The following ATP10A variants were observed in gnomAD, a reference collection of about 807,000 sequenced individuals.
ATP10A encodes ATPase phospholipid transporting 10A (putative).
ATP10A carries 111 observed loss-of-function variants against 147.8 expected under a neutral mutation model. The observed-to-expected ratio is 0.75, with a 90% CI of 0.64 to 0.88. The LOEUF (loss-of-function observed/expected upper bound fraction) is 0.88. Among genes scored for constraint, ATP10A ranks in the 40% least tolerant of loss-of-function variants. ATP10A has a pLI of 0.00. For missense variants in ATP10A, 1,927 were observed against 1,959.0 expected (o/e 0.98, Z 0.31); for synonymous variants, 875 against 841.6 (o/e 1.04, Z -0.69).
intron 2 of ATP10A, among the ~76,000 whole-genome samples, chr15:25,771,539 C>T (rs1319913980): frequency 1.2e-4 from 18 of 152,124 alleles, no homozygotes. Flanking sequence ...GACAAGACTC[C>T]TCCCTCCACC....
intron 1 of ATP10A, among the ~76,000 whole-genome samples, chr15:25,822,704 G>A (rs1055423366): frequency 1.3e-5 from 2 of 152,108 alleles, no homozygotes; most frequent in Admixed American, 6.6e-5. Flanking sequence ...TACAGAACCT[G>A]CTGCTTAGAA....
At chr15:25,795,123 T>A (rs1358552546) in intron 1 of ATP10A, among the ~76,000 whole-genome samples, 1 of 152,180 alleles carries the variant, frequency 6.6e-6, no homozygotes, top group African/African-American at 2.4e-5. Context: ...GGGAAAATTG[T>A]GTAGGTTACA....
chr15:25,782,000 G>C (rs949380798), intron 1 of ATP10A, among the ~76,000 whole-genome samples: 1 of 152,314 alleles, frequency 6.6e-6, no homozygotes, highest in South Asian at 2.1e-4. Context: ...AACAGGTATA[G>C]CAAGCCAATG....
chr15:25,789,524 C>A (rs1412867343), intron 1 of ATP10A, among the ~76,000 whole-genome samples: 1 of 149,706 alleles, frequency 6.7e-6, no homozygotes, highest in African/African-American at 2.5e-5. Context: ...ATAAGAAAAC[C>A]CTTCTTGGAA....
intron 2 of ATP10A, among the ~76,000 whole-genome samples, chr15:25,749,009 G>A (rs573970720): frequency 7.1e-6 from 1 of 140,304 alleles, no homozygotes; most frequent in South Asian, 2.2e-4. Flanking sequence ...GTTGCAATGA[G>A]CCAAGATAGC....
intron 13 of ATP10A, among the ~76,000 whole-genome samples, chr15:25,700,783 G>A (rs898296135): frequency 6.6e-6 from 1 of 152,078 alleles, no homozygotes; most frequent in Non-Finnish European, 1.5e-5. Flanking sequence ...ATCTATGCAC[G>A]TGTTAAAATT....
chr15:25,723,934 G>T lies in ATP10A; in HGVS notation c.1067C>A (p.Thr356Lys). ...KSDGSSLSPV[T>K]AAVYSFLTMI... Reference sequence around the variant, plus strand: ...TGTTAAAAATGAGTAAACTGCAGCTGTGACTGGGGATAAGGAGCTTCCATC... The same window carrying T: ...TGTTAAAAATGAGTAAACTGCAGCTTTGACTGGGGATAAGGAGCTTCCATC... The change falls in exon 6 of 21, where the codon ACA becomes AAA. Residue 356 changes from threonine (T) to lysine (K), a missense_variant. By Grantham distance (78) the Thr-to-Lys change is moderately conservative (BLOSUM62 -1). Coordinates refer to ENST00000555815, the MANE Select transcript of ATP10A (RefSeq NM_024490.4). 2 of 1,610,412 alleles carry T rather than the reference G, an allele frequency of 1.2e-6. No individual in the cohort carries two copies. Among genetic ancestry groups the T allele is most frequent in the Non-Finnish European group, 1.7e-6 (2 of 1,178,780 alleles).
rs866006680 is a variant in ATP10A at position 25,798,927 on chromosome 15, G to A, written c.450-17704C>T. On this transcript the variant is annotated intron_variant, in intron 1 of 20. Coordinates refer to ENST00000555815, the MANE Select transcript of ATP10A (RefSeq NM_024490.4). ...CCGACTGGCTTGAGTGGTTTACTCTGTGTCCCCTATAGAAGAAACAAACTC... is the reference window on the plus strand; with the variant it reads ...CCGACTGGCTTGAGTGGTTTACTCTATGTCCCCTATAGAAGAAACAAACTC... 5.4e-4 allele frequency among the ~76,000 whole-genome samples: 82 copies of A among 151,794 alleles called. 1 individual carries two copies. Among genetic ancestry groups the A allele is most frequent in the African/African-American group, 1.8e-3 (73 of 41,360 alleles).
intron 2 of ATP10A, among the ~76,000 whole-genome samples, chr15:25,747,576 A>C (rs1310524026): frequency 6.6e-6 from 1 of 152,148 alleles, no homozygotes; most frequent in African/African-American, 2.4e-5. Flanking sequence ...TCCTACATAC[A>C]TCAACAGGTT....
intron 13 of ATP10A, among the ~76,000 whole-genome samples, chr15:25,700,167 T>A (rs948197849): frequency 6.6e-6 from 1 of 151,978 alleles, no homozygotes; most frequent in African/African-American, 2.4e-5. Context: ...AAATGCAAAT[T>A]AAAACCATAA....
At chr15:25,724,118 A>G in intron 5 of ATP10A, 97 bp from the exon 6 acceptor site, 1 of 1,260,450 alleles carries the variant, frequency 7.9e-7, no homozygotes, top group Non-Finnish European at 1.1e-6. Flanking sequence ...TTGTTACCTG[A>G]TGCAAGCACA....
rs536844034 is a variant in ATP10A at position 25,837,460 on chromosome 15, C to T, written c.449+25188G>A. ...ACGCTAACAAACAATCTCAAACACA[C>T]GGACAGAGTAGAAAGGAGGCTCCCG... On this transcript the variant is annotated intron_variant, in intron 1 of 20. Transcript: ENST00000555815. 3.6e-4 allele frequency among the ~76,000 whole-genome samples: 55 copies of T among 152,228 alleles called. 1 individual carries two copies. The highest frequency in any genetic ancestry group is 9.6e-4 in the African/African-American group (40 of 41,528).
intron 20 of ATP10A, 35 bp downstream of exon 20, chr15:25,680,086 G>C (rs778707138): frequency 4.7e-5 from 75 of 1,603,680 alleles, no homozygotes; most frequent in Non-Finnish European, 6.4e-5. Flanking sequence ...GGGCTCACTC[G>C]GGGCTCAGAG....
At chr15:25,751,170 A>C (rs1350676353) in intron 2 of ATP10A, among the ~76,000 whole-genome samples, 1 of 152,204 alleles carries the variant, frequency 6.6e-6, no homozygotes, top group East Asian at 1.9e-4. Context: ...TAAAATGGCT[A>C]TATTGCTATC....
chr15:25,724,144 C>G, intron 5 of ATP10A, 123 bp from the exon 6 acceptor site: 1 of 1,087,392 alleles, frequency 9.2e-7, no homozygotes, highest in Non-Finnish European at 1.3e-6. Flanking sequence ...TTTTCTTACT[C>G]AGCTTTGCCA....
intron 16 of ATP10A, chr15:25,683,846 C>T: frequency 4.3e-6 from 1 of 234,370 alleles, no homozygotes; most frequent in Non-Finnish European, 8.5e-6. Flanking sequence ...TTCAAGAGGG[C>T]CAGTTGAGTA....
chr15:25,731,975 C>A (rs1255675487), intron 3 of ATP10A, among the ~76,000 whole-genome samples: 1 of 152,156 alleles, frequency 6.6e-6, no homozygotes, highest in Non-Finnish European at 1.5e-5. Flanking sequence ...CCCACCTCAA[C>A]CTCCTGAGTT....
chr15:25,681,698 G>A (rs1366333752), intron 17 of ATP10A, among the ~76,000 whole-genome samples: 3 of 152,078 alleles, frequency 2.0e-5, no homozygotes, highest in African/African-American at 4.8e-5. Flanking sequence ...CTGCAGCTGC[G>A]TCACTCACTG....
At chr15:25,750,178 T>C (rs1363422274) in intron 2 of ATP10A, among the ~76,000 whole-genome samples, 3 of 151,104 alleles carry the variant, frequency 2.0e-5, no homozygotes, top group African/African-American at 4.9e-5. Flanking sequence ...AAACTAGTAA[T>C]TAAAAAAAAA....
Sources: gnomAD v4.1 joint callset for allele counts (sites outside exome capture counted in the v4.1 genomes callset) on GRCh38, gnomAD v4.1.1 for gene constraint, MANE v1.5 for transcripts, NCBI Gene and HGNC (gene_info 2026-07-23, HGNC 2026-07-21) for gene names.